Variants in DLGAP2 observed in about 807,000 individuals in gnomAD.
DLGAP2 encodes DLG associated protein 2.
In DLGAP2, 26 loss-of-function variants were observed where a neutral mutation model predicts 100.3. The ratio of observed to expected loss-of-function variants is 0.26; its 90% CI spans 0.19 to 0.36. DLGAP2 has a LOEUF of 0.36. DLGAP2 is among the 10% of genes least tolerant of loss of function. The probability of loss-of-function intolerance (pLI) is 1.00; values close to 1 mark genes in which losing one functional copy is unlikely to be tolerated. For synonymous variants in DLGAP2, 886 were observed against 630.1 expected (o/e 1.41, Z -6.08); for missense variants, 1,858 against 1,453.2 (o/e 1.28, Z -4.53).
At chr8:776,819 A>G (rs1821532142) in intron 1 of DLGAP2, among the ~76,000 whole-genome samples, 1 of 152,116 alleles carries the variant, frequency 6.6e-6, no homozygotes, top group Non-Finnish European at 1.5e-5. Flanking sequence ...AAAAAAATGT[A>G]TATTCTGTTG....
chr8:1,449,783 C>T (rs1437478260), intron 3 of DLGAP2, among the ~76,000 whole-genome samples: 5 of 147,936 alleles, frequency 3.4e-5, no homozygotes, highest in African/African-American at 5.2e-5. Context: ...AGAGAAGGAG[C>T]CGTGCTGCAC....
chr8:1,468,452 G>T (rs1057153075), intron 3 of DLGAP2, among the ~76,000 whole-genome samples: 2 of 151,452 alleles, frequency 1.3e-5, no homozygotes, highest in Non-Finnish European at 2.9e-5. Context: ...GGTTTCTTCT[G>T]AGAACCTCCC....
chr8:1,383,987 G>A (rs935801711), intron 3 of DLGAP2, among the ~76,000 whole-genome samples: 1 of 152,184 alleles, frequency 6.6e-6, no homozygotes, highest in African/African-American at 2.4e-5. Flanking sequence ...TGGGGTTTTG[G>A]TGTCTGTACT....
intron 2 of DLGAP2, among the ~76,000 whole-genome samples, chr8:1,113,818 A>G (rs1456352862): frequency 6.6e-6 from 1 of 152,170 alleles, no homozygotes; most frequent in Non-Finnish European, 1.5e-5. Context: ...ATGCAGTATG[A>G]TGCTGGCTGT....
chr8:1,605,498 G>A (rs1258124544), intron 6 of DLGAP2, among the ~76,000 whole-genome samples: 1 of 152,190 alleles, frequency 6.6e-6, no homozygotes, highest in African/African-American at 2.4e-5. Context: ...GCTCTAGTGA[G>A]TGCGGCCTGT....
intron 2 of DLGAP2, among the ~76,000 whole-genome samples, chr8:1,006,932 C>G (rs1171341749): frequency 6.7e-6 from 1 of 149,814 alleles, no homozygotes; most frequent in Non-Finnish European, 1.5e-5. Context: ...TCTCAAGTCT[C>G]GGGATGTGGT....
chr8:1,471,600 ACCT>A (rs199683768), intron 3 of DLGAP2, among the ~76,000 whole-genome samples: 476 of 129,820 alleles, frequency 3.7e-3, no homozygotes, highest in East Asian at 0.031. Context: ...ACCTCCTCTC[ACCT>A]CCTGCCCACA....
intron 2 of DLGAP2, among the ~76,000 whole-genome samples, chr8:1,248,996 C>T (rs1264303500): frequency 3.3e-5 from 5 of 152,208 alleles, no homozygotes; most frequent in East Asian, 1.9e-4. Flanking sequence ...AGCAGGACCC[C>T]GGGGACATCC....
At chr8:1,474,865 A>G (rs750657544) in intron 3 of DLGAP2, among the ~76,000 whole-genome samples, 6 of 152,244 alleles carry the variant, frequency 3.9e-5, no homozygotes, top group Non-Finnish European at 7.3e-5. Flanking sequence ...GTTTGACCCC[A>G]TAATGCTATT....
At chr8:1,576,002 C>T (rs1342403277) in intron 6 of DLGAP2, among the ~76,000 whole-genome samples, 1 of 152,136 alleles carries the variant, frequency 6.6e-6, no homozygotes, top group East Asian at 1.9e-4. Flanking sequence ...ATGGCTGGGT[C>T]AAATGGTATT....
At chr8:1,213,105 C>A (rs566116783) in intron 2 of DLGAP2, among the ~76,000 whole-genome samples, 2 of 152,238 alleles carry the variant, frequency 1.3e-5, no homozygotes, top group African/African-American at 4.8e-5. Flanking sequence ...TCTCAAAGAT[C>A]TCCAGGTTTT....
intron 2 of DLGAP2, among the ~76,000 whole-genome samples, chr8:1,170,710 C>T (rs1797110814): frequency 6.7e-6 from 1 of 149,026 alleles, no homozygotes; most frequent in Non-Finnish European, 1.5e-5. Flanking sequence ...GTTTGTATTT[C>T]TGTGGGATCG....
chr8:1,571,771 C>A (rs1288455892), intron 6 of DLGAP2, among the ~76,000 whole-genome samples: 27 of 80,650 alleles, frequency 3.3e-4, no homozygotes, highest in African/African-American at 7.1e-4. Flanking sequence ...GGGGCGTCTT[C>A]TGGGATGGAG....
chr8:1,609,058 C>T (rs1326699552), intron 6 of DLGAP2, among the ~76,000 whole-genome samples: 5 of 140,640 alleles, frequency 3.6e-5, no homozygotes, highest in African/African-American at 1.3e-4. Context: ...AGATACTCCT[C>T]GAGAAGAGCA....
At chr8:1,458,631 C>G (rs1197488284) in intron 3 of DLGAP2, among the ~76,000 whole-genome samples, 1 of 152,236 alleles carries the variant, frequency 6.6e-6, no homozygotes, top group Non-Finnish European at 1.5e-5. Context: ...TCAAAACAAT[C>G]TCTGAGCCTC....
At position 879,224 on chromosome 8, in the gene DLGAP2, A is replaced by G. The variant is rs187022231; in HGVS notation, c.19-28688A>G. 3.3e-4 allele frequency among the ~76,000 whole-genome samples: 50 copies of G among 152,356 alleles called. No individual in the cohort carries two copies. The East Asian group carries it at 8.3e-3, about 25-fold the overall frequency. ...CAAGAACAAGTCCAGAGGCACATAG[A>G]TAATTTCCCTGTTAGCCACTGACTA... On this transcript the variant is annotated intron_variant, in intron 1 of 14. Coordinates refer to ENST00000637795, the MANE Select transcript of DLGAP2 (RefSeq NM_001346810.2).
rs1412618291 is a variant in DLGAP2, at chr8:1,706,305, T to G, written c.*4899T>G. Reference sequence around the variant, plus strand: ...AAGGGGATTACAGTTCCTGTCCCTGTCTTCCTCCAGGACACACTGTGAGGA... The same window carrying G: ...AAGGGGATTACAGTTCCTGTCCCTGGCTTCCTCCAGGACACACTGTGAGGA... On this transcript the variant is annotated 3_prime_UTR_variant, in exon 15 of 15. Transcript: ENST00000637795. 3.3e-5 allele frequency: 5 copies of G among 152,278 alleles called. No homozygotes were observed. Among genetic ancestry groups the G allele is most frequent in the African/African-American group, 1.2e-4 (5 of 41,476 alleles). The allele number at this position is 152,278 out of a possible 1,614,324, so 9.4% of individuals were successfully genotyped here.
chr8:754,845 A>C (rs1361235428), intron 1 of DLGAP2, among the ~76,000 whole-genome samples: 2 of 152,080 alleles, frequency 1.3e-5, no homozygotes, highest in Non-Finnish European at 2.9e-5. Flanking sequence ...TCTCTAAAAA[A>C]GAAAGAAAAA....
chr8:1,423,828 G>A lies in DLGAP2; in HGVS notation c.107-77538G>A, dbSNP rs144991257. Among the ~76,000 whole-genome samples the A allele has an allele frequency of 9.8e-4, 149 of 152,308 alleles. 1 individual carries two copies. Among genetic ancestry groups the A allele is most frequent in the African/African-American group, 3.3e-3 (139 of 41,562 alleles). ...GTTGTTACAGGAGAAATTCGAGCAG[G>A]TTAATCCCTCTTTCAAATGACACTT... On this transcript the variant is annotated intron_variant, in intron 3 of 14. Transcript: ENST00000637795.
Sources: allele counts gnomAD v4.1 joint callset (sites outside exome capture counted in the v4.1 genomes callset), GRCh38; gene constraint gnomAD v4.1.1; transcripts MANE v1.5; gene names NCBI Gene and HGNC (gene_info 2026-07-23, HGNC 2026-07-21).